Variants in RFX7 observed in about 807,000 individuals in gnomAD.
The protein encoded by RFX7 is regulatory factor X7, also known as DNA-binding protein RFX7.
In RFX7, 26 loss-of-function variants were observed where a neutral mutation model predicts 111.8. The ratio of observed to expected loss-of-function variants is 0.23; its 90% CI spans 0.17 to 0.32. RFX7 has a LOEUF of 0.32. RFX7 is among the 10% of genes least tolerant of loss of function. The pLI, the probability that RFX7 is intolerant of heterozygous loss-of-function variation, is 1.00. For missense variants in RFX7, 1,573 were observed against 1,772.9 expected, an observed-to-expected ratio of 0.89 and a Z score of 2.02; for synonymous variants, 624 against 624.4, an observed-to-expected ratio of 1.00 and a Z score of 0.01.
At position 56,091,639 on chromosome 15, in the gene RFX7, T is replaced by C. The variant is rs1304965959; in HGVS notation, c.*1706A>G. The C allele has an allele frequency of 1.2e-4, 19 of 152,278 alleles. No individual in the cohort carries two copies. Among genetic ancestry groups the C allele is most frequent in the Admixed American group, 1.0e-3 (16 of 15,254 alleles). The allele number at this position is 152,278 out of a possible 1,614,324, so 9.4% of individuals were successfully genotyped here. A position where few individuals can be genotyped will look rare whatever the true frequency, so the allele number is the denominator to read the frequency against. On this transcript the variant is annotated 3_prime_UTR_variant, in exon 10 of 10. Transcript: ENST00000559447. ...TATTGCATACTTTGGTGTGCAGTAG[T>C]GCTGTGTCTCAATGTACAGTGAAGA...
chr15:56,241,608 C>A (rs535301333), intron 2 of RFX7, among the ~76,000 whole-genome samples: 9 of 152,276 alleles, frequency 5.9e-5, no homozygotes, highest in African/African-American at 1.4e-4. Context: ...CACATACACA[C>A]TGGTTTTGTG....
chr15:56,138,228 C>T (rs1228506653), intron 5 of RFX7, among the ~76,000 whole-genome samples: 1 of 135,186 alleles, frequency 7.4e-6, no homozygotes, highest in Non-Finnish European at 1.6e-5. Context: ...TAAAGTCTCC[C>T]ATTATTAATG....
chr15:56,115,570 T>C (rs1218782122), intron 5 of RFX7, among the ~76,000 whole-genome samples: 2 of 152,206 alleles, frequency 1.3e-5, no homozygotes, highest in African/African-American at 4.8e-5. Flanking sequence ...TTGATCATAC[T>C]CTACATATAG....
At chr15:56,220,986 T>G (rs934727204) in intron 2 of RFX7, among the ~76,000 whole-genome samples, 9 of 152,226 alleles carry the variant, frequency 5.9e-5, no homozygotes, top group Non-Finnish European at 1.3e-4. Context: ...ATCAGATGGT[T>G]TCAGGTGTAT....
intron 3 of RFX7, 44 bp from the exon 4 acceptor site, chr15:56,144,527 C>T (rs1342880374): frequency 8.7e-7 from 1 of 1,144,286 alleles, no homozygotes. Context: ...TTAAAAAACA[C>T]TCATTTTTCC....
intron 2 of RFX7, among the ~76,000 whole-genome samples, chr15:56,228,994 C>T (rs1229983958): frequency 6.6e-6 from 1 of 152,090 alleles, no homozygotes; most frequent in African/African-American, 2.4e-5. Flanking sequence ...ATAAGGGTTA[C>T]TTGAACATAG....
chr15:56,131,957 A>T (rs1471610323), intron 5 of RFX7, among the ~76,000 whole-genome samples: 2 of 152,112 alleles, frequency 1.3e-5, no homozygotes, highest in African/African-American at 4.8e-5. Context: ...AAACCAAAAC[A>T]AATAGTCTTT....
At chr15:56,141,157 G>T (rs1229070299) in intron 5 of RFX7, among the ~76,000 whole-genome samples, 1 of 151,892 alleles carries the variant, frequency 6.6e-6, no homozygotes, top group Non-Finnish European at 1.5e-5. Context: ...CTCAGTTTGG[G>T]CAATGGTAAA....
At chr15:56,105,080 C>T (rs1398922543) in intron 5 of RFX7, among the ~76,000 whole-genome samples, 4 of 152,046 alleles carry the variant, frequency 2.6e-5, no homozygotes, top group East Asian at 1.9e-4. Flanking sequence ...TGGTTCAAAC[C>T]GGCACAAAAA....
chr15:56,095,575 A>T lies in RFX7; in HGVS notation c.2153T>A (p.Val718Glu). 6.2e-7 allele frequency: 1 copy of T among 1,613,900 alleles called. No homozygotes were observed. The change falls in exon 10 of 10, where the codon GTA becomes GAA. Residue 718 changes from valine to glutamate, a missense_variant. Transcript: ENST00000559447. ...STAGAQIPSK[V>E]SVNVSSHIGA... ...TATGTGTGAACTGACATTTACTGATACCTTGCTAGGAATCTGAGCACCTGC... is the reference window on the plus strand; with the variant it reads ...TATGTGTGAACTGACATTTACTGATTCCTTGCTAGGAATCTGAGCACCTGC...
chr15:56,096,259 T>C lies in RFX7; in HGVS notation c.1469A>G (p.Lys490Arg). ...AGCACTGCTGACTGAGGCAGAATGT[T>C]TAAGAGGGGTGTTACTGTTGCTGGG... ...LTPSNSNTPLKHSASVSSATG... is the reference protein window; with the variant it reads ...LTPSNSNTPLRHSASVSSATG... Residue 490 changes from lysine (K) to arginine (R), a missense_variant, in exon 10 of 10, where the codon AAA becomes AGA. Physicochemically the swap from Lys to Arg is conservative, Grantham distance 26. Coordinates refer to ENST00000559447, the MANE Select transcript of RFX7 (RefSeq NM_022841.7). The C allele has an allele frequency of 6.2e-7, 1 of 1,613,924 alleles. No homozygotes were observed.
chr15:56,119,441 C>G (rs141369699), intron 5 of RFX7, among the ~76,000 whole-genome samples: 65 of 152,160 alleles, frequency 4.3e-4, no homozygotes, highest in African/African-American at 1.5e-3. Flanking sequence ...ATTGAAGAAA[C>G]CATGTATTTC....
intron 5 of RFX7, among the ~76,000 whole-genome samples, chr15:56,111,377 C>T (rs2041928549): frequency 6.6e-6 from 1 of 152,002 alleles, no homozygotes; most frequent in Non-Finnish European, 1.5e-5. Context: ...GAAACATGTG[C>T]TGTGTCCACT....
chr15:56,129,716 G>C (rs2042188709), intron 5 of RFX7, among the ~76,000 whole-genome samples: 1 of 152,102 alleles, frequency 6.6e-6, no homozygotes, highest in Non-Finnish European at 1.5e-5. Context: ...AAAAAGTAAT[G>C]GTATTTCTAA....
intron 2 of RFX7, among the ~76,000 whole-genome samples, chr15:56,179,518 T>C (rs912783229): frequency 3.9e-5 from 6 of 152,152 alleles, no homozygotes; most frequent in African/African-American, 1.2e-4. Flanking sequence ...TCTTAAAGCA[T>C]GGTTAAAACA....
chr15:56,097,987 C>A (rs926313232), intron 9 of RFX7, 94 bp downstream of exon 9: 279 of 1,132,334 alleles, frequency 2.5e-4, no homozygotes, highest in Non-Finnish European at 5.1e-6. Context: ...TTTGTGGCTA[C>A]TCTTATACCT....
chr15:56,234,936 C>T (rs2043606343), intron 2 of RFX7, among the ~76,000 whole-genome samples: 2 of 152,120 alleles, frequency 1.3e-5, no homozygotes, highest in African/African-American at 2.4e-5. Context: ...AATTAAATTA[C>T]ACAACTCAGA....
At chr15:56,139,830 T>C (rs1424335026) in intron 5 of RFX7, among the ~76,000 whole-genome samples, 1 of 152,200 alleles carries the variant, frequency 6.6e-6, no homozygotes, top group Non-Finnish European at 1.5e-5. Flanking sequence ...GTTTTCCTTC[T>C]AACAGACAGG....
chr15:56,216,568 G>C (rs1306526433), intron 2 of RFX7, among the ~76,000 whole-genome samples: 1 of 152,124 alleles, frequency 6.6e-6, no homozygotes, highest in African/African-American at 2.4e-5. Context: ...AACCAAATTA[G>C]ATGCTACTGA....
Sources: gnomAD v4.1 joint callset for allele counts (sites outside exome capture counted in the v4.1 genomes callset) on GRCh38, gnomAD v4.1.1 for gene constraint, MANE v1.5 for transcripts, NCBI Gene and HGNC (gene_info 2026-07-23, HGNC 2026-07-21) for gene names.